The following DNAH11 variants were observed in gnomAD, a reference collection of about 807,000 sequenced individuals.
The protein encoded by DNAH11 is axonemal beta dynein heavy chain 11.
DNAH11 carries 442 observed loss-of-function variants against 526.0 expected under a neutral mutation model. That is an observed-to-expected ratio of 0.84 (90% CI 0.78 to 0.91). The LOEUF is 0.91. DNAH11 is among the 40% of genes least tolerant of loss of function. The pLI is 0.00. For missense variants in DNAH11, 6,989 were observed against 5,448.7 expected (o/e 1.28, Z -8.90); for synonymous variants, 2,461 against 1,935.9 (o/e 1.27, Z -7.12).
At chr7:21,701,282 CTT>C in intron 36 of DNAH11, among the ~76,000 whole-genome samples, 1 of 148,788 alleles carries the variant, frequency 6.7e-6, no homozygotes, top group East Asian at 2.0e-4. Flanking sequence ...TCACCAAACA[CTT>C]TTTACTTTTT....
At chr7:21,811,911 A>G (rs542159970) in intron 63 of DNAH11, among the ~76,000 whole-genome samples, 1 of 152,292 alleles carries the variant, frequency 6.6e-6, no homozygotes, top group African/African-American at 2.4e-5. Context: ...AAAGCCTGGG[A>G]CTACATTTCC....
chr7:21,658,855 A>G lies in DNAH11; in HGVS notation c.5152A>G (p.Ile1718Val), dbSNP rs137855415. The G allele has an allele frequency of 2.5e-4, 401 of 1,606,182 alleles. 5 individuals are homozygous for G. The East Asian group carries it at 7.7e-3, about 31-fold the overall frequency. ...QTMQETVRHSITEAIVAYEEK... is the reference protein window; with the variant it reads ...QTMQETVRHSVTEAIVAYEEK... Reference sequence around the variant, plus strand: ...TATGCAAGAAACGGTGCGTCATTCTATAACAGAAGCCATAGTGGCCTACGA... The same window carrying G: ...TATGCAAGAAACGGTGCGTCATTCTGTAACAGAAGCCATAGTGGCCTACGA... Residue 1718 changes from isoleucine to valine, a missense_variant, in exon 30 of 82, where the codon ATA (isoleucine) becomes GTA (valine). Transcript: ENST00000409508.
chr7:21,574,774 C>T (rs527979742), intron 8 of DNAH11, among the ~76,000 whole-genome samples: 2 of 149,100 alleles, frequency 1.3e-5, no homozygotes, highest in African/African-American at 4.9e-5. Context: ...CCATGTTGGC[C>T]GGGTTGGTCT....
chr7:21,877,291 C>T (rs1783750945), intron 74 of DNAH11, among the ~76,000 whole-genome samples: 1 of 152,114 alleles, frequency 6.6e-6, no homozygotes, highest in African/African-American at 2.4e-5. Flanking sequence ...CTCACTGCAG[C>T]CTTGAACTCC....
intron 57 of DNAH11, among the ~76,000 whole-genome samples, chr7:21,783,457 T>C (rs11980396): frequency 0.72 from 109,025 of 152,050 alleles, 39,793 homozygotes; most frequent in East Asian, 0.84. Context: ...TGAAGAAATA[T>C]ACTTTTGTTC....
At chr7:21,775,635 G>T (rs1483976910) in intron 56 of DNAH11, among the ~76,000 whole-genome samples, 1 of 150,906 alleles carries the variant, frequency 6.6e-6, no homozygotes, top group African/African-American at 2.4e-5. Flanking sequence ...AAACAAGTCT[G>T]TCTTTCCTGT....
Position 21,589,230 on chromosome 7 carries a change from G to C in DNAH11, c.1996G>C (p.Ala666Pro), listed in dbSNP as rs1415369353. 6.2e-7 allele frequency: 1 copy of C among 1,608,090 alleles called. No homozygotes were observed. ...CAGATTTTTGGGCAATCCTGATCAC[G>C]CTTTAGTTTATCAAAAGTATGTTGA... ...RYLFLGNPDH[A>P]LVYQKYVEMT... Residue 666 changes from alanine to proline, a missense_variant, in exon 12 of 82, where the codon GCT (alanine) becomes CCT (proline). Transcript: ENST00000409508.
At chr7:21,899,563 G>C in intron 80 of DNAH11, 115 bp downstream of exon 80, 10 of 822,890 alleles carry the variant, frequency 1.2e-5, no homozygotes, top group Non-Finnish European at 1.9e-6. Context: ...TCCTCAAGCA[G>C]CAGCCATTAT....
intron 28 of DNAH11, among the ~76,000 whole-genome samples, chr7:21,650,126 A>G (rs1419218071): frequency 6.6e-6 from 1 of 152,218 alleles, no homozygotes; most frequent in Non-Finnish European, 1.5e-5. Flanking sequence ...TGTTGTGAAC[A>G]CATTTACATA....
intron 22 of DNAH11, among the ~76,000 whole-genome samples, chr7:21,617,385 G>C (rs959411798): frequency 6.6e-6 from 1 of 152,184 alleles, no homozygotes; most frequent in South Asian, 2.1e-4. Context: ...CATTCAGTTA[G>C]ATCTTGTGAA....
chr7:21,778,837 G>A (rs1490280538), intron 56 of DNAH11, 121 bp from the exon 57 acceptor site: 7 of 1,231,888 alleles, frequency 5.7e-6, no homozygotes, highest in Non-Finnish European at 7.8e-6. Flanking sequence ...GAAAATCAGG[G>A]TAGAGACAGA....
At chr7:21,759,767 T>C (rs1247280425) in intron 54 of DNAH11, among the ~76,000 whole-genome samples, 1 of 152,170 alleles carries the variant, frequency 6.6e-6, no homozygotes, top group Admixed American at 6.5e-5. Flanking sequence ...AATATACAAA[T>C]AAATATGTAC....
At chr7:21,651,345 T>C (rs777052012) in intron 28 of DNAH11, among the ~76,000 whole-genome samples, 1 of 152,078 alleles carries the variant, frequency 6.6e-6, no homozygotes, top group African/African-American at 2.4e-5. Context: ...ATTTCATCTT[T>C]CTTCCTTTTT....
rs780831761 is a variant in DNAH11, at chr7:21,818,355, T to A, written c.10691+16T>A. ...AAAAAGGAAAGTAAGTATTCTTGAA[T>A]TTTTAACATATATATCTTGCTAAAT... On this transcript the variant is annotated intron_variant, in intron 65 of 81. Coordinates refer to ENST00000409508, the MANE Select transcript of DNAH11 (RefSeq NM_001277115.2). 5 of 1,605,626 alleles carry A rather than the reference T, an allele frequency of 3.1e-6. No homozygotes were observed. Among genetic ancestry groups the A allele is most frequent in the Non-Finnish European group, 4.2e-6 (5 of 1,176,642 alleles).
chr7:21,556,847 AG>A (rs1374408154), intron 2 of DNAH11, among the ~76,000 whole-genome samples: 1 of 152,140 alleles, frequency 6.6e-6, no homozygotes, highest in African/African-American at 2.4e-5. Context: ...AGATAACTTG[AG>A]GCCAGGAGTT....
At chr7:21,717,132 T>A (rs1481903324) in intron 42 of DNAH11, among the ~76,000 whole-genome samples, 1 of 152,138 alleles carries the variant, frequency 6.6e-6, no homozygotes, top group Non-Finnish European at 1.5e-5. Context: ...GTTTTACTGA[T>A]AAGTATTATT....
chr7:21,899,981 A>T lies in DNAH11; in HGVS notation c.13164A>T (p.Ala4388=). The T allele has an allele frequency of 6.2e-7, 1 of 1,613,812 alleles. No individual in the cohort carries two copies. Among genetic ancestry groups the T allele is most frequent in the Non-Finnish European group, 8.5e-7 (1 of 1,179,818 alleles). The stretch of plus-strand genomic sequence containing the variant: ...TCAATTTTTGTTATATTTCCAAAGC[A>T]ATCATGCAGACGATGGCTCGAAAAA... The part of the protein sequence containing the change: ...GFFNPQSFLT[A]IMQTMARKNE... Residue 4388 remains alanine (A), a splice_region_variant and synonymous_variant, in exon 81 of 82, where the codon GCA becomes GCT. Coordinates refer to ENST00000409508, the MANE Select transcript of DNAH11 (RefSeq NM_001277115.2).
At chr7:21,639,198 A>T (rs1379508738) in intron 28 of DNAH11, 133 bp downstream of exon 28, 1 of 1,116,766 alleles carries the variant, frequency 9.0e-7, no homozygotes, top group African/African-American at 1.6e-5. Flanking sequence ...AAAATTTGTA[A>T]TGTAGCATCA....
intron 7 of DNAH11, among the ~76,000 whole-genome samples, chr7:21,571,155 G>C (rs964091312): frequency 3.3e-5 from 5 of 152,164 alleles, no homozygotes; most frequent in African/African-American, 7.2e-5. Flanking sequence ...GCCGGGTATG[G>C]GGTGATGAAA....
Sources: gnomAD v4.1 joint callset for allele counts (sites outside exome capture counted in the v4.1 genomes callset) on GRCh38, gnomAD v4.1.1 for gene constraint, MANE v1.5 for transcripts, NCBI Gene and HGNC (gene_info 2026-07-23, HGNC 2026-07-21) for gene names.